The following DTHD1 variants were observed in gnomAD, a reference collection of about 807,000 sequenced individuals.
DTHD1 encodes the protein death domain-containing protein 1.
In DTHD1, 59 loss-of-function variants were observed where a neutral mutation model predicts 74.8. The observed-to-expected ratio is 0.79, with a 90% CI of 0.64 to 0.98. The LOEUF (loss-of-function observed/expected upper bound fraction) is 0.98. Ranked by LOEUF, DTHD1 falls within the 50% of genes least tolerant of loss-of-function variation. DTHD1 has a pLI of 0.00. For missense variants in DTHD1, 1,051 were observed against 1,065.4 expected (o/e 0.99, Z 0.19); for synonymous variants, 365 against 371.1 (o/e 0.98, Z 0.19).
chr4:36,288,148 G>A, intron 2 of DTHD1, among the ~76,000 whole-genome samples: 1 of 151,950 alleles, frequency 6.6e-6, no homozygotes. Flanking sequence ...GCCCAGGCTG[G>A]AGTGCAGTGG....
At chr4:36,328,837 T>A (rs1318399341) in intron 8 of DTHD1, among the ~76,000 whole-genome samples, 3 of 152,118 alleles carry the variant, frequency 2.0e-5, no homozygotes, top group Non-Finnish European at 4.4e-5. Context: ...TGACTCAATA[T>A]TTTTTTTCTT....
chr4:36,303,019 G>A (rs920719988), intron 5 of DTHD1, among the ~76,000 whole-genome samples: 6 of 152,146 alleles, frequency 3.9e-5, no homozygotes, highest in African/African-American at 1.2e-4. Flanking sequence ...TTTTTCCACA[G>A]ATAAACTAGC....
Position 36,293,525 on chromosome 4 carries a change from G to A in DTHD1, c.1219-1G>A, listed in dbSNP as rs1756207169. 1.3e-6 allele frequency: 2 copies of A among 1,535,562 alleles called. No individual in the cohort carries two copies. Among genetic ancestry groups the A allele is most frequent in the African/African-American group, 1.4e-5 (1 of 72,464 alleles). On this transcript the variant is annotated splice_acceptor_variant, in intron 3 of 9. Coordinates refer to ENST00000639862, the MANE Select transcript of DTHD1 (RefSeq NM_001170700.3). LOFTEE classifies it high-confidence loss of function. The stretch of plus-strand genomic sequence containing the variant: ...ATTTTAATGTTCTTTATTCTATACA[G>A]GGGACCTGTGCTTCAGTAAAAGTTT...
At position 36,325,030 on chromosome 4, in the gene DTHD1, G is replaced by A. The variant is rs555420339; in HGVS notation, c.2340+8544G>A. ...ACTTTGAAGTGGTCAAGCACAAGAC[G>A]TGTTCCGAGAAAGGATGATGAATGC... is the stretch of plus-strand genomic sequence containing the variant. On this transcript the variant is annotated intron_variant, in intron 8 of 9. Coordinates refer to ENST00000639862, the MANE Select transcript of DTHD1 (RefSeq NM_001170700.3). Among the ~76,000 whole-genome samples the A allele has an allele frequency of 4.1e-4, 62 of 152,148 alleles. 1 individual carries two copies. Among genetic ancestry groups the A allele is most frequent in the South Asian group, 1.0e-3 (5 of 4,830 alleles).
At chr4:36,295,283 C>T (rs1219159736) in intron 5 of DTHD1, among the ~76,000 whole-genome samples, 1 of 152,034 alleles carries the variant, frequency 6.6e-6, no homozygotes, top group African/African-American at 2.4e-5. Context: ...GAAATGCATG[C>T]TGGGTGGTGC....
chr4:36,284,862 C>G (rs1755610858), intron 2 of DTHD1, among the ~76,000 whole-genome samples: 1 of 152,134 alleles, frequency 6.6e-6, no homozygotes, highest in African/African-American at 2.4e-5. Flanking sequence ...TGAACAAGCT[C>G]CCTTGGGCCT....
In DTHD1 at chr4:36,343,693, G is replaced by A. The variant is rs1235443089; in HGVS notation, c.2590G>A (p.Asp864Asn). Residue 864 changes from aspartate (D) to asparagine (N), a missense_variant, in exon 10 of 10, where the codon GAC becomes AAC. Coordinates refer to ENST00000639862, the MANE Select transcript of DTHD1 (RefSeq NM_001170700.3). Reference protein sequence around the residue: ...FWKKSLPTFTDKLRLLARHLR... With the variant: ...FWKKSLPTFTNKLRLLARHLR... ...GAAAAAATCGCTTCCAACTTTCACC[G>A]ACAAACTTCGCCTCCTGGCTCGACA... is the stretch of plus-strand genomic sequence containing the variant. The A allele has an allele frequency of 1.4e-5, 22 of 1,551,628 alleles. No homozygotes were observed. Among genetic ancestry groups the A allele is most frequent in the Non-Finnish European group, 1.7e-5 (20 of 1,146,944 alleles).
At position 36,290,520 on chromosome 4, in the gene DTHD1, C is replaced by T. The variant is rs570690508; in HGVS notation, c.1035C>T (p.Asn345=). The T allele has an allele frequency of 3.0e-5, 47 of 1,551,494 alleles. No individual in the cohort carries two copies. Among genetic ancestry groups the T allele is most frequent in the South Asian group, 2.9e-4 (24 of 84,056 alleles). The change falls in exon 3 of 10, where the codon AAC becomes AAT. Residue 345 remains asparagine (N), a synonymous_variant. Transcript: ENST00000639862. The part of the protein sequence containing the change: ...IVGDNEELVS[N]VITIECSDKE... ...GTGATAATGAAGAGTTAGTTAGCAA[C>T]GTCATAACTATTGAATGCTCAGATA...
intron 8 of DTHD1, among the ~76,000 whole-genome samples, chr4:36,319,574 T>C (rs977321492): frequency 6.6e-6 from 1 of 152,118 alleles, no homozygotes; most frequent in Non-Finnish European, 1.5e-5. Flanking sequence ...CCAGTGGTGG[T>C]TGGAATTCTC....
chr4:36,314,894 T>G (rs547504173), intron 7 of DTHD1, among the ~76,000 whole-genome samples: 14 of 152,236 alleles, frequency 9.2e-5, no homozygotes, highest in African/African-American at 3.4e-4. Flanking sequence ...TTTTCTCATT[T>G]CATTTCCTAA....
At chr4:36,294,449 T>C (rs1453686714) in intron 4 of DTHD1, among the ~76,000 whole-genome samples, 1 of 152,044 alleles carries the variant, frequency 6.6e-6, no homozygotes, top group African/African-American at 2.4e-5. Flanking sequence ...TTTTCTAGTT[T>C]CTAAAGATCA....
At chr4:36,288,509 T>C (rs538840519) in intron 2 of DTHD1, among the ~76,000 whole-genome samples, 11 of 152,232 alleles carry the variant, frequency 7.2e-5, no homozygotes, top group Non-Finnish European at 1.3e-4. Flanking sequence ...GGATGCAGTT[T>C]CATTCTTCCA....
chr4:36,290,324 G>A (rs1470973345), intron 2 of DTHD1, 49 bp from the exon 3 acceptor site: 2 of 1,488,394 alleles, frequency 1.3e-6, no homozygotes, highest in East Asian at 4.9e-5. Flanking sequence ...TAGCTGTAAA[G>A]TACATAAATC....
rs372438791 is a variant in DTHD1, at chr4:36,282,039, CT to C, written c.271+18del. On this transcript the variant is annotated intron_variant, in intron 1 of 9. Transcript: ENST00000639862. ...TGTGTCTCGAGAAAAGGCAAGTATT[CT>C]TTTTTTTAGTTTATTCTTTCTCTAA... 3.9e-5 allele frequency: 59 copies of C among 1,518,682 alleles called. No homozygotes were observed. Among genetic ancestry groups the C allele is most frequent in the East Asian group, 1.8e-4 (7 of 39,958 alleles). The allele number at this position is 1,518,682 out of a possible 1,614,324, so 94.1% of individuals were successfully genotyped here.
chr4:36,343,329 T>G (rs1332585356), intron 9 of DTHD1, among the ~76,000 whole-genome samples, 173 bp from the exon 10 acceptor site: 1 of 152,208 alleles, frequency 6.6e-6, no homozygotes, highest in African/African-American at 2.4e-5. Context: ...GATCCCAGAA[T>G]GCCAGGGATT....
chr4:36,322,831 A>G (rs900171957), intron 8 of DTHD1, among the ~76,000 whole-genome samples: 5 of 152,230 alleles, frequency 3.3e-5, no homozygotes. Context: ...TTCAGTTCAC[A>G]CTGCACATAA....
At chr4:36,299,226 G>A (rs1756618045) in intron 5 of DTHD1, among the ~76,000 whole-genome samples, 1 of 152,168 alleles carries the variant, frequency 6.6e-6, no homozygotes, top group Non-Finnish European at 1.5e-5. Context: ...ATAGGTTAAA[G>A]TTGAGTAACT....
At chr4:36,286,717 TA>T (rs1453183716) in intron 2 of DTHD1, among the ~76,000 whole-genome samples, 2 of 152,226 alleles carry the variant, frequency 1.3e-5, no homozygotes, top group African/African-American at 4.8e-5. Context: ...ACTGCACGCT[TA>T]GTCTACATGG....
chr4:36,338,605 C>A (rs957731673), intron 8 of DTHD1, among the ~76,000 whole-genome samples: 4 of 151,474 alleles, frequency 2.6e-5, no homozygotes, highest in African/African-American at 9.7e-5. Flanking sequence ...AACTGTTCTG[C>A]AGACTGTGTA....
Sources: gnomAD v4.1 joint callset for allele counts (sites outside exome capture counted in the v4.1 genomes callset) on GRCh38, gnomAD v4.1.1 for gene constraint, MANE v1.5 for transcripts, NCBI Gene and HGNC (gene_info 2026-07-23, HGNC 2026-07-21) for gene names.